TBC1D22A: variants seen among roughly 807,000 people sequenced by gnomAD.
TBC1D22A encodes the protein putative GTPase activator.
A neutral mutation model predicts 60.2 loss-of-function variants in TBC1D22A; 38 were observed. The observed-to-expected ratio is 0.63, with a 90% confidence interval of 0.49 to 0.83. The LOEUF (loss-of-function observed/expected upper bound fraction) is 0.83, where lower values mean the gene tolerates loss of function less well. TBC1D22A is among the 40% of genes least tolerant of loss of function. The probability of loss-of-function intolerance (pLI) is 0.00; values close to 1 mark genes in which losing one functional copy is unlikely to be tolerated. For missense variants in TBC1D22A, 628 were observed against 701.0 expected (o/e 0.90, Z 1.18); for synonymous variants, 302 against 281.7 (o/e 1.07, Z -0.72).
intron 3 of TBC1D22A, among the ~76,000 whole-genome samples, chr22:46,796,398 T>G (rs1287241842): frequency 6.6e-6 from 1 of 152,178 alleles, no homozygotes; most frequent in Non-Finnish European, 1.5e-5. Context: ...GGCTCCTACC[T>G]CCTTGCTCAG....
chr22:46,938,805 C>T (rs1482437554), intron 8 of TBC1D22A, among the ~76,000 whole-genome samples: 1 of 151,924 alleles, frequency 6.6e-6, no homozygotes, highest in African/African-American at 2.4e-5. Flanking sequence ...AGGCTGGTCT[C>T]GAACTCCCGA....
At chr22:47,149,298 C>A (rs1217414838) in intron 12 of TBC1D22A, among the ~76,000 whole-genome samples, 2 of 152,328 alleles carry the variant, frequency 1.3e-5, no homozygotes, top group East Asian at 3.9e-4. Flanking sequence ...CACATCTGCT[C>A]CGTGGCATCC....
chr22:46,790,786 G>A (rs1254381535), intron 1 of TBC1D22A, among the ~76,000 whole-genome samples: 1 of 152,240 alleles, frequency 6.6e-6, no homozygotes, highest in African/African-American at 2.4e-5. Flanking sequence ...CTCTTCAGCA[G>A]TGTGGACCAG....
intron 8 of TBC1D22A, among the ~76,000 whole-genome samples, chr22:46,934,409 G>A (rs548821457): frequency 1.3e-5 from 2 of 152,194 alleles, no homozygotes; most frequent in Admixed American, 6.5e-5. Flanking sequence ...CCGTAAACTC[G>A]GGCCAGTGGG....
At chr22:46,801,934 C>T (rs909103647) in intron 4 of TBC1D22A, among the ~76,000 whole-genome samples, 6 of 152,206 alleles carry the variant, frequency 3.9e-5, no homozygotes, top group African/African-American at 7.2e-5. Flanking sequence ...AGCACTAATA[C>T]GAGTAGATGC....
intron 4 of TBC1D22A, among the ~76,000 whole-genome samples, chr22:46,839,712 T>A (rs1469297841): frequency 3.3e-5 from 5 of 152,188 alleles, no homozygotes; most frequent in African/African-American, 1.2e-4. Flanking sequence ...AAAACTAGAT[T>A]ATCAAAACAG....
At chr22:46,999,739 T>G (rs573303833) in intron 10 of TBC1D22A, among the ~76,000 whole-genome samples, 14 of 152,244 alleles carry the variant, frequency 9.2e-5, no homozygotes, top group African/African-American at 2.9e-4. Context: ...AAAAAAAGCT[T>G]CTCAGGCCGG....
chr22:47,113,812 A>G (rs1262987272), intron 12 of TBC1D22A, among the ~76,000 whole-genome samples: 1 of 152,148 alleles, frequency 6.6e-6, no homozygotes, highest in Non-Finnish European at 1.5e-5. Flanking sequence ...GAAGCAGGCC[A>G]TGAGCCCCTC....
At chr22:47,044,006 G>GGTGCTGGGGAGGTGCCTGTCTGAGC (rs1173578742) in intron 11 of TBC1D22A, among the ~76,000 whole-genome samples, 1 of 152,076 alleles carries the variant, frequency 6.6e-6, no homozygotes, top group African/African-American at 2.4e-5. Flanking sequence ...GAGCAGGGCA[G>GGTGCTGGGGAGGTGCCTGTCTGAGC]GGCTCCGCCT....
chr22:46,866,161 G>A (rs569737768), intron 4 of TBC1D22A, among the ~76,000 whole-genome samples: 14 of 152,224 alleles, frequency 9.2e-5, no homozygotes, highest in African/African-American at 1.9e-4. Context: ...CTGCAGTGCC[G>A]TGGCGTAATC....
chr22:47,116,589 A>T (rs2066066669), intron 12 of TBC1D22A: 1 of 151,654 alleles, frequency 6.6e-6, no homozygotes. Context: ...CTTGCTCTGG[A>T]AGCATGCTCC....
intron 4 of TBC1D22A, among the ~76,000 whole-genome samples, chr22:46,851,935 G>A (rs2087298618): frequency 6.6e-6 from 1 of 152,236 alleles, no homozygotes; most frequent in Admixed American, 6.5e-5. Flanking sequence ...GTGGCAGCAA[G>A]CCAGTGGCAG....
intron 12 of TBC1D22A, among the ~76,000 whole-genome samples, chr22:47,171,433 C>A (rs2068446725): frequency 6.6e-6 from 1 of 152,134 alleles, no homozygotes; most frequent in South Asian, 2.1e-4. Context: ...TGCAGGTGGC[C>A]CCCTGGGGGC....
intron 10 of TBC1D22A, among the ~76,000 whole-genome samples, chr22:47,035,337 T>C (rs1368145941): frequency 6.6e-6 from 1 of 152,100 alleles, no homozygotes. Context: ...TGCCTCTGGG[T>C]CCAGGCAGCC....
In TBC1D22A at chr22:46,766,653, T is replaced by A. The variant is rs1306950781; in HGVS notation, c.62+3805T>A. Among the ~76,000 whole-genome samples, 6 of 152,162 alleles carry A rather than the reference T, an allele frequency of 3.9e-5. No homozygotes were observed. In the East Asian group the frequency reaches 5.8e-4, roughly 15 times the overall value. The stretch of plus-strand genomic sequence containing the variant: ...CGGGTTCAAGTGATCTTCCTGCCTC[T>A]GCTGCCAAAGTAACTGGGATTACAG... On this transcript the variant is annotated intron_variant, in intron 1 of 12. Transcript: ENST00000337137.
intron 3 of TBC1D22A, among the ~76,000 whole-genome samples, chr22:46,796,690 G>A (rs2084668388): frequency 7.0e-6 from 1 of 142,728 alleles, no homozygotes; most frequent in Non-Finnish European, 1.5e-5. Flanking sequence ...ATCCCCCTGG[G>A]CCTGTCCGTC....
At chr22:47,109,294 G>T (rs1055908333) in intron 11 of TBC1D22A, among the ~76,000 whole-genome samples, 7 of 152,218 alleles carry the variant, frequency 4.6e-5, no homozygotes, top group Non-Finnish European at 1.0e-4. Flanking sequence ...CATAATGGGA[G>T]TTTTGAAGCA....
intron 8 of TBC1D22A, among the ~76,000 whole-genome samples, chr22:46,956,866 G>A (rs1173066499): frequency 6.6e-6 from 1 of 152,202 alleles, no homozygotes; most frequent in Non-Finnish European, 1.5e-5. Flanking sequence ...CAGACTTTCC[G>A]GGATTTACAT....
rs903509280 is a variant in TBC1D22A, at chr22:47,174,483, A to G, written c.*857A>G. The G allele has an allele frequency of 6.6e-6, 1 of 152,244 alleles. No individual in the cohort carries two copies. Among genetic ancestry groups the G allele is most frequent in the Non-Finnish European group, 1.5e-5 (1 of 68,072 alleles). 9.4% of individuals were successfully genotyped at this position (152,244 alleles called of 1,614,324 possible). A position where few individuals can be genotyped will look rare whatever the true frequency, so the allele number is the denominator to read the frequency against. On this transcript the variant is annotated 3_prime_UTR_variant, in exon 13 of 13. Transcript: ENST00000337137. Reference sequence around the variant, plus strand: ...GGCAGGGGGTCGCGTCCCTGTCATCAAAGCCCTGAACCACAGTGCTCTTCT... The same window carrying G: ...GGCAGGGGGTCGCGTCCCTGTCATCGAAGCCCTGAACCACAGTGCTCTTCT...
Sources: allele counts gnomAD v4.1 joint callset (sites outside exome capture counted in the v4.1 genomes callset), GRCh38; gene constraint gnomAD v4.1.1; transcripts MANE v1.5; gene names NCBI Gene and HGNC (gene_info 2026-07-23, HGNC 2026-07-21).